The following CTNNA1 variants were observed in gnomAD, a reference collection of about 807,000 sequenced individuals.
The protein encoded by CTNNA1 is catenin alpha 1.
A neutral mutation model predicts 98.4 loss-of-function variants in CTNNA1; 37 were observed. That is an observed-to-expected ratio of 0.38 (90% CI 0.29 to 0.49). The LOEUF (loss-of-function observed/expected upper bound fraction) is 0.49. Among genes scored for constraint, CTNNA1 ranks in the 20% least tolerant of loss-of-function variants. CTNNA1 has a pLI of 0.95. For missense variants in CTNNA1, 761 were observed against 1,147.2 expected (o/e 0.66, Z 4.86); for synonymous variants, 404 against 413.2 (o/e 0.98, Z 0.27).
Position 138,781,965 on chromosome 5 carries a change from A to G in CTNNA1, c.41A>G (p.Asp14Gly). 6.2e-7 allele frequency: 1 copy of G among 1,601,546 alleles called. No homozygotes were observed. The highest frequency in any genetic ancestry group is 8.5e-7 in the Non-Finnish European group (1 of 1,177,344). ...GCAGGCAACATAAACTTCAAGTGGGATCCTAAAAGTCTAGAGATCAGGACT... is the reference window on the plus strand; with the variant it reads ...GCAGGCAACATAAACTTCAAGTGGGGTCCTAAAAGTCTAGAGATCAGGACT... ...VHAGNINFKW[D>G]PKSLEIRTLA... is the part of the protein sequence containing the mutation. Residue 14 changes from aspartate (D) to glycine (G), a missense_variant, in exon 2 of 18, where the codon GAT becomes GGT. Asp to Gly is a moderately conservative substitution (Grantham distance 94). Transcript: ENST00000302763.
chr5:138,892,334 T>TG (rs2150062447), intron 9 of CTNNA1, among the ~76,000 whole-genome samples: 1 of 68,370 alleles, frequency 1.5e-5, no homozygotes, highest in East Asian at 2.4e-4. Context: ...CTTAGTTTTT[T>TG]TTTTTTTTTT....
intron 10 of CTNNA1, among the ~76,000 whole-genome samples, chr5:138,917,204 T>G (rs990914362): frequency 2.0e-5 from 3 of 152,264 alleles, no homozygotes; most frequent in Non-Finnish European, 2.9e-5. Context: ...GAATACATTT[T>G]GATAATGTAT....
intron 3 of CTNNA1, among the ~76,000 whole-genome samples, chr5:138,806,576 A>G (rs537890523): frequency 6.6e-6 from 1 of 151,998 alleles, no homozygotes; most frequent in Non-Finnish European, 1.5e-5. Flanking sequence ...GGTTTATTGT[A>G]TGTACTTTAG....
chr5:138,932,907 CACTGCAAGG>C (rs757819586), intron 17 of CTNNA1, 195 bp downstream of exon 17: 2 of 811,050 alleles, frequency 2.5e-6, no homozygotes, highest in Non-Finnish European at 4.4e-6. Context: ...ACCTGCGGGG[CACTGCAAGG>C]GCTGAAAGGC....
chr5:138,868,599 A>G (rs1283631151), intron 7 of CTNNA1, among the ~76,000 whole-genome samples: 1 of 152,208 alleles, frequency 6.6e-6, no homozygotes, highest in Non-Finnish European at 1.5e-5. Context: ...AGGGGCAGCC[A>G]ACTCCATGCC....
In CTNNA1 at chr5:138,932,503, T is replaced by A. The variant is rs13359740; in HGVS notation, c.2299-75T>A. 6,641 of 1,573,578 alleles carry A rather than the reference T, an allele frequency of 4.2e-3. 250 individuals carry two copies. The African/African-American group carries it at 0.08, about 19-fold the overall frequency. ...AGCATGTGAGTGCCACACTGAACCT[T>A]TCAGAAACAGCCGTGGGGTCGGGGG... On this transcript the variant is annotated intron_variant, in intron 16 of 17. Transcript: ENST00000302763.
At chr5:138,879,465 T>G (rs1269893574) in intron 7 of CTNNA1, among the ~76,000 whole-genome samples, 4 of 151,018 alleles carry the variant, frequency 2.6e-5, no homozygotes, top group African/African-American at 4.9e-5. Context: ...TGTTGTTGTG[T>G]TTTTTTTGTT....
intron 7 of CTNNA1, among the ~76,000 whole-genome samples, chr5:138,865,048 G>A (rs1267611521): frequency 1.3e-5 from 2 of 151,946 alleles, no homozygotes; most frequent in East Asian, 1.9e-4. Context: ...TCCTGACCTC[G>A]TGATCCACCC....
chr5:138,811,224 C>T (rs1581112798), intron 4 of CTNNA1, among the ~76,000 whole-genome samples: 1 of 147,348 alleles, frequency 6.8e-6, no homozygotes, highest in East Asian at 2.2e-4. Flanking sequence ...AGAGACGCTC[C>T]TCACCTCCCA....
chr5:138,918,874 G>T (rs1762347925), intron 11 of CTNNA1, among the ~76,000 whole-genome samples: 1 of 152,184 alleles, frequency 6.6e-6, no homozygotes, highest in African/African-American at 2.4e-5. Flanking sequence ...GAACGTGGCA[G>T]TAGGGCTTGA....
chr5:138,908,446 T>A (rs1482880068), intron 10 of CTNNA1, among the ~76,000 whole-genome samples: 1 of 152,070 alleles, frequency 6.6e-6, no homozygotes, highest in African/African-American at 2.4e-5. Context: ...GGTCGGGGGA[T>A]CATTTGAAGC....
At chr5:138,840,477 G>C (rs1762181940) in intron 7 of CTNNA1, among the ~76,000 whole-genome samples, 1 of 152,198 alleles carries the variant, frequency 6.6e-6, no homozygotes, top group African/African-American at 2.4e-5. Flanking sequence ...GGTGTTTTTA[G>C]GGAAAAATAT....
Position 138,929,307 on chromosome 5 carries a change from C to T in CTNNA1, c.1961C>T (p.Thr654Met), listed in dbSNP as rs1003481327. 1.2e-6 allele frequency: 2 copies of T among 1,612,280 alleles called. No individual in the cohort carries two copies. The highest frequency in any genetic ancestry group is 1.1e-5 in the South Asian group (1 of 91,052). Residue 654 changes from threonine to methionine, a missense_variant, in exon 14 of 18, where the codon ACG becomes ATG. Coordinates refer to ENST00000302763, the MANE Select transcript of CTNNA1 (RefSeq NM_001903.5). ...GAAGATTTTGATGTCAGAAGCAGGA[C>T]GAGCGTCCAGACAGAAGACGATCAG... ...ETEDFDVRSR[T>M]SVQTEDDQLI...
At chr5:138,786,681 G>A (rs1158150045) in intron 3 of CTNNA1, among the ~76,000 whole-genome samples, 1 of 152,134 alleles carries the variant, frequency 6.6e-6, no homozygotes, top group Non-Finnish European at 1.5e-5. Context: ...GCACTCAGGA[G>A]GTCCTGTGGA....
At chr5:138,844,735 TTTA>T (rs1266920046) in intron 7 of CTNNA1, among the ~76,000 whole-genome samples, 3 of 152,298 alleles carry the variant, frequency 2.0e-5, no homozygotes, top group East Asian at 3.9e-4. Flanking sequence ...TACCTATTAT[TTTA>T]TTATTATAAA....
chr5:138,932,848 C>A, intron 17 of CTNNA1, 136 bp downstream of exon 17: 1 of 1,079,170 alleles, frequency 9.3e-7, no homozygotes, highest in Non-Finnish European at 1.4e-6. Context: ...CTGTCCCAGT[C>A]TCTGGAGACC....
At chr5:138,827,392 A>G in intron 6 of CTNNA1, 123 bp from the exon 7 acceptor site, 1 of 1,089,788 alleles carries the variant, frequency 9.2e-7, no homozygotes, top group Non-Finnish European at 1.3e-6. Context: ...TAAGAAGTAT[A>G]ACTTTCTTTC....
At chr5:138,842,342 CATACTA>C (rs1463383849) in intron 7 of CTNNA1, among the ~76,000 whole-genome samples, 1 of 152,138 alleles carries the variant, frequency 6.6e-6, no homozygotes, top group Non-Finnish European at 1.5e-5. Context: ...CTTTTAAGCT[CATACTA>C]ATAAACACAC....
Position 138,874,016 on chromosome 5 carries a change from C to A in CTNNA1, c.1063-12196C>A. ...TGTGCTCAAATCCAGAAACTCCAGA[C>A]TACGACAGTCCCAGAACAGGCGTAC... On this transcript the variant is annotated intron_variant, in intron 7 of 17. Transcript: ENST00000302763. This position sits in a 1 kb window ranked among gnomAD's most constrained non-coding sequence, Gnocchi z 4.1. 1 of 1,614,028 alleles carries A rather than the reference C, an allele frequency of 6.2e-7. No individual in the cohort carries two copies. The highest frequency in any genetic ancestry group is 8.5e-7 in the Non-Finnish European group (1 of 1,179,896).
Sources: gnomAD v4.1 joint callset for allele counts (sites outside exome capture counted in the v4.1 genomes callset) on GRCh38, gnomAD v4.1.1 for gene constraint, Gnocchi (gnomAD v3.1) non-coding constraint, MANE v1.5 for transcripts, NCBI Gene and HGNC (gene_info 2026-07-23, HGNC 2026-07-21) for gene names.